The following RYR3 variants were observed in gnomAD, a reference collection of about 807,000 sequenced individuals.
RYR3 encodes the protein brain ryanodine receptor-calcium release channel.
RYR3 carries 207 observed loss-of-function variants against 584.3 expected under a neutral mutation model. The ratio of observed to expected loss-of-function variants is 0.35; its 90% CI spans 0.32 to 0.40. RYR3 has a LOEUF of 0.40. Ranked by LOEUF, RYR3 falls within the 10% of genes least tolerant of loss-of-function variation. RYR3 has a pLI of 1.00. For synonymous variants in RYR3, 2,416 were observed against 2,248.5 expected (o/e 1.07, Z -2.11); for missense variants, 5,616 against 6,089.2 (o/e 0.92, Z 2.59).
chr15:33,774,793 A>G (rs1013267759), intron 64 of RYR3, among the ~76,000 whole-genome samples: 1 of 152,218 alleles, frequency 6.6e-6, no homozygotes, highest in Non-Finnish European at 1.5e-5. Context: ...GGAACTGGGC[A>G]GACAAAGTTT....
intron 1 of RYR3, among the ~76,000 whole-genome samples, chr15:33,324,951 G>A (rs1969485561): frequency 6.6e-6 from 1 of 152,132 alleles, no homozygotes; most frequent in Non-Finnish European, 1.5e-5. Flanking sequence ...AGGATGGCAT[G>A]GACATCACAT....
At chr15:33,646,278 C>A in intron 28 of RYR3, 73 bp from the exon 29 acceptor site, 1 of 1,364,956 alleles carries the variant, frequency 7.3e-7, no homozygotes, top group Non-Finnish European at 1.0e-6. Context: ...TGTGCATGTC[C>A]ACGAGGGAAA....
chr15:33,539,518 T>C lies in RYR3; in HGVS notation c.546+56T>C, dbSNP rs16971988. 9.1e-3 allele frequency: 9,737 copies of C among 1,067,980 alleles called. 441 individuals are homozygous for C. In the African/African-American group the frequency reaches 0.11, roughly 12 times the overall value. The allele number at this position is 1,067,980 out of a possible 1,614,324, so 66.2% of individuals were successfully genotyped here. ...TTTTCAGAAATTTTTCCTTTAGGAA[T>C]AGATGGCCATGAAGAACTGAGCCAC... is the stretch of plus-strand genomic sequence containing the variant. On this transcript the variant is annotated intron_variant, in intron 6 of 103. Coordinates refer to ENST00000634891, the MANE Select transcript of RYR3 (RefSeq NM_001036.6).
chr15:33,623,943 G>A lies in RYR3; in HGVS notation c.2494G>A (p.Asp832Asn), dbSNP rs764672575. Residue 832 changes from aspartate to asparagine, a missense_variant, in exon 20 of 104, where the codon GAT becomes AAT. Coordinates refer to ENST00000634891, the MANE Select transcript of RYR3 (RefSeq NM_001036.6). The part of the protein sequence containing the change: ...EPVKEYKRDA[D>N]GIRDLLGTTQ... ...TGTCAAAGAATATAAACGTGATGCTGATGGCATTAGAGATCTCTTGGGTAC... is the reference window on the plus strand; with the variant it reads ...TGTCAAAGAATATAAACGTGATGCTAATGGCATTAGAGATCTCTTGGGTAC... 1.2e-6 allele frequency: 2 copies of A among 1,613,972 alleles called. No homozygotes were observed. Among genetic ancestry groups the A allele is most frequent in the Non-Finnish European group, 8.5e-7 (1 of 1,179,864 alleles).
intron 74 of RYR3, chr15:33,815,726 C>T: frequency 2.5e-6 from 1 of 394,214 alleles, no homozygotes; most frequent in Non-Finnish European, 4.5e-6. Context: ...TTGTGATCAT[C>T]TAACCGCACA....
intron 38 of RYR3, among the ~76,000 whole-genome samples, chr15:33,693,861 T>C (rs2065630329): frequency 6.6e-6 from 1 of 152,152 alleles, no homozygotes. Flanking sequence ...ATGTTAGCTT[T>C]CAGTCCAATG....
rs769507366 is a variant in RYR3 at position 33,662,819 on chromosome 15, G to A, written c.5289G>A (p.Glu1763=). The A allele has an allele frequency of 6.2e-7, 1 of 1,613,968 alleles. No homozygotes were observed. Among genetic ancestry groups the A allele is most frequent in the Non-Finnish European group, 8.5e-7 (1 of 1,179,884 alleles). The change falls in exon 35 of 104, where the codon GAG becomes GAA. Residue 1763 remains glutamate (E), a synonymous_variant. Transcript: ENST00000634891. The part of the protein sequence containing the change: ...SVFGEHSAGT[E]EGAEKEEVTQ... ...TTGGGGAGCATAGTGCGGGGACAGA[G>A]GAGGGAGCAGAAAAGGAGGAAGTGA...
chr15:33,586,256 T>C (rs1242399851), intron 16 of RYR3, 140 bp downstream of exon 16: 7 of 647,148 alleles, frequency 1.1e-5, no homozygotes, highest in Non-Finnish European at 1.9e-5. Context: ...AAAAAGACTT[T>C]CCCCGCATAC....
intron 1 of RYR3, among the ~76,000 whole-genome samples, chr15:33,411,428 T>C (rs1204152861): frequency 6.6e-6 from 1 of 152,204 alleles, no homozygotes; most frequent in Non-Finnish European, 1.5e-5. Flanking sequence ...CTATACGTTC[T>C]TTTCATATTT....
intron 3 of RYR3, among the ~76,000 whole-genome samples, chr15:33,518,829 A>G (rs1055409534): frequency 6.6e-6 from 1 of 152,252 alleles, no homozygotes; most frequent in Non-Finnish European, 1.5e-5. Flanking sequence ...TCCAAGCATT[A>G]GACAACTCAA....
chr15:33,629,698 A>G (rs1055795477), intron 21 of RYR3, among the ~76,000 whole-genome samples: 3 of 152,206 alleles, frequency 2.0e-5, no homozygotes, highest in African/African-American at 7.2e-5. Flanking sequence ...TTCGGAAAGT[A>G]TGTTCAAAAT....
chr15:33,769,216 C>T (rs1182139447), intron 62 of RYR3, 44 bp downstream of exon 62: 2 of 1,321,434 alleles, frequency 1.5e-6, no homozygotes, highest in Non-Finnish European at 1.1e-6. Flanking sequence ...ATGACTTCCT[C>T]TCTGACCCTC....
At chr15:33,559,824 C>G (rs1268669052) in intron 10 of RYR3, among the ~76,000 whole-genome samples, 1 of 152,020 alleles carries the variant, frequency 6.6e-6, no homozygotes, top group Non-Finnish European at 1.5e-5. Context: ...ACAGAAGATA[C>G]GAAATATAAA....
rs183511001 is a variant in RYR3 at position 33,319,296 on chromosome 15, G to A, written c.51+8200G>A. 6.4e-3 allele frequency among the ~76,000 whole-genome samples: 858 copies of A among 133,250 alleles called. 6 individuals carry two copies. Among genetic ancestry groups the A allele is most frequent in the Non-Finnish European group, 9.4e-3 (593 of 62,880 alleles). 87.4% of individuals were successfully genotyped at this position (133,250 alleles called of 152,430 possible). On this transcript the variant is annotated intron_variant, in intron 1 of 103. Coordinates refer to ENST00000634891, the MANE Select transcript of RYR3 (RefSeq NM_001036.6). ...ATACCGGGGCAGAAGGAGAGATCCC[G>A]TTGGCTACCACATCATATCGACCAG...
In RYR3 at chr15:33,543,700, A is replaced by G. The variant is rs538703172; in HGVS notation, c.725A>G (p.Asn242Ser). 758 of 1,611,156 alleles carry G rather than the reference A, an allele frequency of 4.7e-4. 5 individuals are homozygous for G. In the South Asian group the frequency reaches 6.7e-3, roughly 14 times the overall value. Reference protein sequence around the residue: ...ECLTIPSTDQNDSQHRRIFYE... With the variant: ...ECLTIPSTDQSDSQHRRIFYE... ...TTGACGATACCATCTACAGACCAGA[A>G]TGATTCCCAGCACAGGTAAGTCAGT... The change falls in exon 8 of 104, where the codon AAT becomes AGT. Residue 242 changes from asparagine to serine, a missense_variant. Around this residue, in one of 9 missense-constraint regions of RYR3, gnomAD observed 1,284 missense variants for 1,344.6 expected, o/e 0.95. Transcript: ENST00000634891.
intron 1 of RYR3, among the ~76,000 whole-genome samples, chr15:33,387,518 G>C (rs77148106): frequency 0.012 from 1,823 of 152,186 alleles, 34 homozygotes; most frequent in African/African-American, 0.042. Context: ...TTTGAGAATA[G>C]CCATCTTGAT....
At chr15:33,653,198 T>G (rs12101933) in intron 32 of RYR3, among the ~76,000 whole-genome samples, 26,883 of 152,214 alleles carry the variant, frequency 0.18, 2,941 homozygotes, top group East Asian at 0.23. Flanking sequence ...TTGTGCAGCC[T>G]TATCTATTAC....
intron 67 of RYR3, among the ~76,000 whole-genome samples, chr15:33,795,313 A>G (rs2075533304): frequency 1.3e-5 from 2 of 152,062 alleles, no homozygotes; most frequent in Non-Finnish European, 2.9e-5. Context: ...TGGGGGACAC[A>G]TAAGTGCTTC....
rs367892350 is a variant in RYR3 at position 33,821,566 on chromosome 15, C to T, written c.10959C>T (p.Ile3653=). 20 of 1,613,856 alleles carry T rather than the reference C, an allele frequency of 1.2e-5. No homozygotes were observed. The highest frequency in any genetic ancestry group is 9.3e-5 in the African/African-American group (7 of 74,912). The change falls in exon 80 of 104, where the codon ATC becomes ATT. Residue 3653 remains isoleucine (I), a synonymous_variant. Transcript: ENST00000634891. ...TGGTTGAGACGCTGAAGCTGGGGAT[C>T]GCCATTCTGAACGGAGGCAATGCTG... ...PMVVETLKLG[I]AILNGGNAGV...
Sources: gnomAD v4.1 joint callset for allele counts (sites outside exome capture counted in the v4.1 genomes callset) on GRCh38, gnomAD v4.1.1 for gene constraint, gnomAD v4.1.1 regional missense constraint, MANE v1.5 for transcripts, NCBI Gene and HGNC (gene_info 2026-07-23, HGNC 2026-07-21) for gene names.